Variants in CUX1 observed in about 807,000 individuals in gnomAD.
CUX1 encodes protein CASP.
CUX1 carries 31 observed loss-of-function variants against 158.8 expected under a neutral mutation model. The ratio of observed to expected loss-of-function variants is 0.20; its 90% confidence interval spans 0.15 to 0.26. The LOEUF is 0.26. CUX1 is among the 10% of genes least tolerant of loss of function. The pLI is 1.00. For missense variants in CUX1, 1,589 were observed against 2,014.6 expected (o/e 0.79, Z 4.04); for synonymous variants, 879 against 862.1 (o/e 1.02, Z -0.34).
intron 1 of CUX1, among the ~76,000 whole-genome samples, chr7:101,885,282 C>T (rs2131591655): frequency 6.6e-6 from 1 of 152,232 alleles, no homozygotes; most frequent in South Asian, 2.1e-4. Flanking sequence ...GCCCAGATTC[C>T]CCCCTACAAT....
intron 1 of CUX1, among the ~76,000 whole-genome samples, chr7:101,836,386 G>A (rs1794631566): frequency 6.6e-6 from 1 of 152,068 alleles, no homozygotes; most frequent in Admixed American, 6.6e-5. Flanking sequence ...ACCACCCTGG[G>A]CAATACAGTG....
chr7:101,830,082 C>G (rs1489400819), intron 1 of CUX1, among the ~76,000 whole-genome samples: 1 of 152,182 alleles, frequency 6.6e-6, no homozygotes, highest in African/African-American at 2.4e-5. Context: ...TGGGGCTATG[C>G]CCCTGGGTGC....
At chr7:101,917,109 T>G (rs960610365) in intron 2 of CUX1, among the ~76,000 whole-genome samples, 4 of 152,212 alleles carry the variant, frequency 2.6e-5, no homozygotes, top group African/African-American at 9.6e-5. Flanking sequence ...TTGGGGAATC[T>G]TCTCCGTATC....
At position 101,916,275 on chromosome 7, in the gene CUX1, G is replaced by C; in HGVS notation, c.141+50G>C. The C allele has an allele frequency of 8.3e-7, 1 of 1,209,224 alleles. No homozygotes were observed. Among genetic ancestry groups the C allele is most frequent in the South Asian group, 1.2e-5 (1 of 82,742 alleles). The allele number at this position is 1,209,224 out of a possible 1,614,324, so 74.9% of individuals were successfully genotyped here. On this transcript the variant is annotated intron_variant, in intron 2 of 23. Coordinates refer to ENST00000292535, the MANE Select transcript of CUX1 (RefSeq NM_181552.4). This position sits in a 1 kb window ranked among gnomAD's most constrained non-coding sequence, Gnocchi z 4.4. ...GCTTTGAAGGGATCTTAGAATGCTGGTGCATGTTCAGGCGACGCTCCGTGA... is the reference window on the plus strand; with the variant it reads ...GCTTTGAAGGGATCTTAGAATGCTGCTGCATGTTCAGGCGACGCTCCGTGA...
chr7:102,092,952 A>G (rs74496480), intron 4 of CUX1, among the ~76,000 whole-genome samples: 64 of 150,356 alleles, frequency 4.3e-4, no homozygotes, highest in African/African-American at 1.5e-3. Flanking sequence ...AAAAGAAAAA[A>G]AGAGCTCCTT....
At chr7:102,035,652 C>CAAAAAAAAAAAAAAAAAAA (rs10699446) in intron 3 of CUX1, among the ~76,000 whole-genome samples, 1 of 90,654 alleles carries the variant, frequency 1.1e-5, no homozygotes, top group African/African-American at 4.6e-5. Context: ...GATAGCCAGC[C>CAAAAAAAAAAAAAAAAAAA]AAAAAAAAAA....
At chr7:101,836,770 G>T (rs1046552357) in intron 1 of CUX1, among the ~76,000 whole-genome samples, 1 of 151,614 alleles carries the variant, frequency 6.6e-6, no homozygotes, top group East Asian at 1.9e-4. Flanking sequence ...TGGAGAAACC[G>T]GGAGTGCCCG....
rs1196485710 is a variant in CUX1, at chr7:101,916,687, C to T, written c.141+462C>T. The stretch of plus-strand genomic sequence containing the variant: ...CATCTGGGCATAGCAGTGCGCCTAA[C>T]GCTTCTTGTAAAACAGACATTTCGC... On this transcript the variant is annotated intron_variant, in intron 2 of 23. Transcript: ENST00000292535. The surrounding 1 kb of genome is among the most constrained non-coding windows in gnomAD (Gnocchi z 4.4). 1.9e-5 allele frequency: 3 copies of T among 157,272 alleles called. No individual in the cohort carries two copies. Among genetic ancestry groups the T allele is most frequent in the South Asian group, 3.7e-4 (2 of 5,342 alleles). The allele number at this position is 157,272 out of a possible 1,614,324, so 9.7% of individuals were successfully genotyped here.
chr7:102,104,506 C>G, intron 6 of CUX1, 47 bp downstream of exon 6: 1 of 1,595,138 alleles, frequency 6.3e-7, no homozygotes, highest in Non-Finnish European at 8.5e-7. Flanking sequence ...GCATTTGCCC[C>G]TGAACTTCAC....
chr7:102,005,995 T>G (rs1042110329), intron 2 of CUX1, among the ~76,000 whole-genome samples: 2 of 152,126 alleles, frequency 1.3e-5, no homozygotes, highest in Non-Finnish European at 2.9e-5. Flanking sequence ...CTGGTTTGTT[T>G]TGGAAGCCGA....
chr7:102,148,711 A>AAT (rs1352154213), intron 8 of CUX1, among the ~76,000 whole-genome samples: 27 of 148,012 alleles, frequency 1.8e-4, no homozygotes, highest in African/African-American at 2.9e-4. Context: ...ATAATATATT[A>AAT]ATATATATAT....
Position 102,214,720 on chromosome 7 carries a change from C to T in CUX1, c.3130+9550C>T, listed in dbSNP as rs186105693. ...GCGGACTGGCCCGAGGGACCTGCCC[C>T]GCTCCCGGTGAGGATAAGGAGGGGA... On this transcript the variant is annotated intron_variant, in intron 20 of 23. Coordinates refer to ENST00000292535, the MANE Select transcript of CUX1 (RefSeq NM_181552.4). Among the ~76,000 whole-genome samples the T allele has an allele frequency of 2.8e-3, 426 of 152,338 alleles. 3 individuals are homozygous for T. The highest frequency in any genetic ancestry group is 0.027 in the Middle Eastern group (8 of 294).
intron 9 of CUX1, among the ~76,000 whole-genome samples, chr7:102,165,698 T>C (rs1406108430): frequency 6.6e-6 from 1 of 152,060 alleles, no homozygotes; most frequent in Non-Finnish European, 1.5e-5. Context: ...CTGGGGCCTT[T>C]CAGGGACCCT....
rs376565047 is a variant in CUX1 at position 102,189,749 on chromosome 7, G to A, written c.1018-64G>A. 2.2e-4 allele frequency: 339 copies of A among 1,562,766 alleles called. No homozygotes were observed. The Middle Eastern group carries it at 6.7e-3, about 31-fold the overall frequency. On this transcript the variant is annotated intron_variant, in intron 11 of 23. Coordinates refer to ENST00000292535, the MANE Select transcript of CUX1 (RefSeq NM_181552.4). ...AGCTGGCTGTTCCGCAGTGAATGCC[G>A]TCGGTGAAGTCCGTCGACCTGTTGT...
At chr7:102,090,798 A>G (rs1828506776) in intron 4 of CUX1, among the ~76,000 whole-genome samples, 1 of 152,154 alleles carries the variant, frequency 6.6e-6, no homozygotes, top group African/African-American at 2.4e-5. Context: ...GAGTTGGTAA[A>G]TAATAGTAGA....
At position 102,097,456 on chromosome 7, in the gene CUX1, A is replaced by G. The variant is rs1585655648; in HGVS notation, c.361A>G (p.Thr121Ala). 2 of 1,613,106 alleles carry G rather than the reference A, an allele frequency of 1.2e-6. No homozygotes were observed. ...AACAGAGAACCAGAAACTTAGGGAA[A>G]CTCTGGAAGAATACAACAAGGAATT... ...IETENQKLRE[T>A]LEEYNKEFAE... is the part of the protein sequence containing the mutation. The change falls in exon 5 of 24, where the codon ACT (threonine) becomes GCT (alanine). Residue 121 changes from threonine to alanine, a missense_variant. This residue lies in a region of CUX1 where 515 missense variants were observed against 574.4 expected (regional missense o/e 0.90). Transcript: ENST00000292535.
intron 13 of CUX1, among the ~76,000 whole-genome samples, chr7:102,194,792 G>A (rs1794621890): frequency 6.6e-6 from 1 of 152,040 alleles, no homozygotes; most frequent in Admixed American, 6.6e-5. Flanking sequence ...GGAGGCTGAG[G>A]TAGGTGGATC....
intron 3 of CUX1, among the ~76,000 whole-genome samples, chr7:102,044,811 T>C (rs1220152224): frequency 6.6e-6 from 1 of 151,916 alleles, no homozygotes; most frequent in African/African-American, 2.4e-5. Context: ...CTTCTTTGGG[T>C]TTGTGGCCAG....
intron 1 of CUX1, among the ~76,000 whole-genome samples, chr7:101,822,089 C>T (rs1320077374): frequency 6.6e-6 from 1 of 150,920 alleles, no homozygotes; most frequent in Non-Finnish European, 1.5e-5. Flanking sequence ...CTCCTGACCT[C>T]GTGATCTGCC....
Sources: allele counts gnomAD v4.1 joint callset (sites outside exome capture counted in the v4.1 genomes callset), GRCh38; gene constraint gnomAD v4.1.1; regional missense constraint gnomAD v4.1.1; non-coding constraint Gnocchi (gnomAD v3.1); transcripts MANE v1.5; gene names NCBI Gene and HGNC (gene_info 2026-07-23, HGNC 2026-07-21).